PCDHA4: variants seen among roughly 807,000 people sequenced by gnomAD.
PCDHA4 encodes the protein protocadherin alpha-4.
Under a neutral mutation model 61.4 loss-of-function variants are expected in PCDHA4, and 49 were observed. The observed-to-expected ratio is 0.80, with a 90% CI of 0.63 to 1.01. The LOEUF is 1.01. Among genes scored for constraint, PCDHA4 ranks in the 50% least tolerant of loss-of-function variants. The pLI, the probability that PCDHA4 is intolerant of heterozygous loss-of-function variation, is 0.00. For missense variants in PCDHA4, 1,254 were observed against 1,235.8 expected, an observed-to-expected ratio of 1.01 and a Z score of -0.22; for synonymous variants, 590 against 550.3, an observed-to-expected ratio of 1.07 and a Z score of -1.01.
intron 1 of PCDHA4, chr5:140,869,202 C>T (rs2050919461): frequency 3.1e-6 from 5 of 1,613,890 alleles, no homozygotes; most frequent in African/African-American, 2.7e-5. Flanking sequence ...AGCTCCACTA[C>T]TCCGTCTCGG....
chr5:140,824,150 C>A (rs147799360), intron 1 of PCDHA4: 1 of 1,611,190 alleles, frequency 6.2e-7, no homozygotes, highest in African/African-American at 1.3e-5. Flanking sequence ...ATATTAACAT[C>A]CATCTTTCCC....
At chr5:140,832,767 T>C (rs1197167280) in intron 1 of PCDHA4, among the ~76,000 whole-genome samples, 1 of 152,180 alleles carries the variant, frequency 6.6e-6, no homozygotes, top group Non-Finnish European at 1.5e-5. Context: ...AAGAATATTG[T>C]AAGAGGTGCT....
intron 1 of PCDHA4, chr5:140,842,764 C>A (rs1554139348): frequency 3.1e-6 from 5 of 1,594,666 alleles, no homozygotes; most frequent in Non-Finnish European, 4.3e-6. Flanking sequence ...CTGCGCGAGA[C>A]GCGGACGCGC....
intron 1 of PCDHA4, chr5:140,882,202 T>A: frequency 2.0e-6 from 3 of 1,529,778 alleles, no homozygotes; most frequent in Non-Finnish European, 2.6e-6. Context: ...AAATTGGGCC[T>A]TGAGAGACAG....
intron 1 of PCDHA4, among the ~76,000 whole-genome samples, chr5:140,921,612 TATC>T (rs2080294560): frequency 6.6e-6 from 1 of 152,158 alleles, no homozygotes; most frequent in Non-Finnish European, 1.5e-5. Flanking sequence ...ATAAGAAAAA[TATC>T]ATCAGATCAT....
intron 1 of PCDHA4, among the ~76,000 whole-genome samples, chr5:140,931,398 T>C: frequency 6.6e-6 from 1 of 152,112 alleles, no homozygotes; most frequent in African/African-American, 2.4e-5. Context: ...AAGTAAGCGA[T>C]AGGAAGGCTG....
intron 1 of PCDHA4, chr5:140,822,877 A>T (rs1554128927): frequency 1.9e-6 from 3 of 1,614,196 alleles, no homozygotes; most frequent in Admixed American, 1.7e-5. Context: ...CAGCACGGTC[A>T]TTGCTCTGAT....
At chr5:140,958,597 G>A (rs551005076) in intron 1 of PCDHA4, among the ~76,000 whole-genome samples, 60 of 152,170 alleles carry the variant, frequency 3.9e-4, no homozygotes, top group African/African-American at 1.4e-3. Context: ...ATGATAATTG[G>A]ATCAAAGGAA....
At chr5:140,829,189 T>A in intron 1 of PCDHA4, 1 of 1,614,208 alleles carries the variant, frequency 6.2e-7, no homozygotes, top group Non-Finnish European at 8.5e-7. Flanking sequence ...CTCAATTTGG[T>A]ACTGTCATCG....
intron 1 of PCDHA4, among the ~76,000 whole-genome samples, chr5:140,912,613 T>A (rs183484256): frequency 5.3e-4 from 80 of 152,290 alleles, no homozygotes; most frequent in African/African-American, 1.5e-3. Flanking sequence ...TCTTGTCTGA[T>A]TACTCTGGAT....
At position 140,969,258 on chromosome 5, in the gene PCDHA4, A is replaced by T. The variant is rs782513796; in HGVS notation, c.2386-9691A>T. ...CAAGCAGCAGTGACTGACAGCAGGA[A>T]TCTCACAGGCCAAAGTGGTCAGAAT... On this transcript the variant is annotated intron_variant, in intron 1 of 3. Transcript: ENST00000530339. The T allele has an allele frequency of 3.7e-6, 6 of 1,614,106 alleles. No homozygotes were observed. The East Asian group carries it at 1.3e-4, about 36-fold the overall frequency.
At chr5:140,962,817 G>A (rs555403742) in intron 1 of PCDHA4, among the ~76,000 whole-genome samples, 2 of 152,202 alleles carry the variant, frequency 1.3e-5, no homozygotes, top group South Asian at 4.1e-4. Flanking sequence ...CATCAGAGAT[G>A]ACCATTTGTC....
At chr5:140,913,619 G>A (rs188632685) in intron 1 of PCDHA4, among the ~76,000 whole-genome samples, 1 of 151,848 alleles carries the variant, frequency 6.6e-6, no homozygotes, top group Non-Finnish European at 1.5e-5. Context: ...TACTAATTTT[G>A]GATTCAGTTT....
At chr5:140,947,147 C>A (rs1025959771) in intron 1 of PCDHA4, among the ~76,000 whole-genome samples, 1 of 151,270 alleles carries the variant, frequency 6.6e-6, no homozygotes, top group African/African-American at 2.4e-5. Flanking sequence ...TGTATAGTTA[C>A]TTCCACGGGG....
Position 140,924,253 on chromosome 5 carries a change from A to T in PCDHA4, c.2386-54696A>T, listed in dbSNP as rs550218351. ...ATGGGCTGTTTTGCATCCTGGTGAGATCTAATGAGGTCTGTACTTGTGACT... is the reference window on the plus strand; with the variant it reads ...ATGGGCTGTTTTGCATCCTGGTGAGTTCTAATGAGGTCTGTACTTGTGACT... On this transcript the variant is annotated intron_variant, in intron 1 of 3. Coordinates refer to ENST00000530339, the MANE Select transcript of PCDHA4 (RefSeq NM_018907.4). Among the ~76,000 whole-genome samples, 68 of 152,330 alleles carry T rather than the reference A, an allele frequency of 4.5e-4. No homozygotes were observed. In the South Asian group the frequency reaches 0.013, roughly 29 times the overall value.
chr5:140,982,308 A>T, intron 2 of PCDHA4, 167 bp from the exon 3 acceptor site: 1 of 1,269,286 alleles, frequency 7.9e-7, no homozygotes. Context: ...ATGCTTCTGC[A>T]GTTTATGCAG....
chr5:140,851,194 T>G (rs1484208641), intron 1 of PCDHA4: 1 of 1,213,702 alleles, frequency 8.2e-7, no homozygotes, highest in Non-Finnish European at 1.1e-6. Flanking sequence ...AATTTAGTTG[T>G]TAGTCATTCA....
At chr5:140,913,934 G>C (rs1554196103) in intron 1 of PCDHA4, among the ~76,000 whole-genome samples, 1 of 152,102 alleles carries the variant, frequency 6.6e-6, no homozygotes, top group African/African-American at 2.4e-5. Context: ...TGTGGTCAGA[G>C]AAGAATCTTG....
In PCDHA4 at chr5:140,928,891, T is replaced by A. The variant is rs1299939193; in HGVS notation, c.2386-50058T>A. On this transcript the variant is annotated intron_variant, in intron 1 of 3. Coordinates refer to ENST00000530339, the MANE Select transcript of PCDHA4 (RefSeq NM_018907.4). ...CTCTGTCCCTCAGTTACTTCCAGAC[T>A]TTGAAGATGTCTGGGAACCAGGAGG... 1.2e-6 allele frequency: 2 copies of A among 1,614,066 alleles called. No individual in the cohort carries two copies. The highest frequency in any genetic ancestry group is 2.7e-5 in the African/African-American group (2 of 74,942).
Sources: allele counts gnomAD v4.1 joint callset (sites outside exome capture counted in the v4.1 genomes callset), GRCh38; gene constraint gnomAD v4.1.1; transcripts MANE v1.5; gene names NCBI Gene and HGNC (gene_info 2026-07-23, HGNC 2026-07-21).